RPL7A: variants seen among roughly 807,000 people sequenced by gnomAD.
The protein encoded by RPL7A is ribosomal protein L7a, also known as large ribosomal subunit protein eL8.
For synonymous variants in RPL7A, 158 were observed against 128.2 expected, an observed-to-expected ratio of 1.23 and a Z score of -1.57; for missense variants, 291 against 338.2, an observed-to-expected ratio of 0.86 and a Z score of 1.09.
At position 133,348,253 on chromosome 9, in the gene RPL7A, G is replaced by A. The variant is rs371626778; in HGVS notation, c.3+7G>A. The A allele has an allele frequency of 2.5e-6, 4 of 1,613,996 alleles. No homozygotes were observed. The highest frequency in any genetic ancestry group is 3.4e-6 in the Non-Finnish European group (4 of 1,180,002). ...CCTCCCGCCGCCCAAGATGGTGAGT[G>A]AGCTGTAGTTCCGTGGCACTATAGC... On this transcript the variant is annotated splice_region_variant and intron_variant, in intron 1 of 7. Transcript: ENST00000323345.
At chr9:133,351,164 A>G (rs1407417042) in intron 7 of RPL7A, 93 bp downstream of exon 7, 3 of 1,542,782 alleles carry the variant, frequency 1.9e-6, no homozygotes, top group African/African-American at 1.4e-5. Flanking sequence ...CTATCTGACG[A>G]TCAGCTTGGA....
In RPL7A at chr9:133,349,986, C is replaced by T. The variant is rs2129990347; in HGVS notation, c.349C>T (p.Arg117Trp). 6.2e-7 allele frequency: 1 copy of T among 1,612,466 alleles called. No homozygotes were observed. Among genetic ancestry groups the T allele is most frequent in the Non-Finnish European group, 8.5e-7 (1 of 1,180,020 alleles). The part of the protein sequence containing the change: ...KQEKKQRLLA[R>W]AEKKAAGKGD... The stretch of plus-strand genomic sequence containing the variant: ...AGAGAAGAAGCAGAGACTGTTGGCC[C>T]GGGCCGAGAAGAAGGCTGCTGGCAA... Residue 117 changes from arginine (R) to tryptophan (W), a missense_variant, in exon 4 of 8, where the codon CGG (arginine) becomes TGG (tryptophan). Coordinates refer to ENST00000323345, the MANE Select transcript of RPL7A (RefSeq NM_000972.3).
Position 133,349,537 on chromosome 9 carries a change from C to T in RPL7A, c.125-14C>T, listed in dbSNP as rs190442630. 9.0e-5 allele frequency: 146 copies of T among 1,614,062 alleles called. No homozygotes were observed. The highest frequency in any genetic ancestry group is 1.2e-4 in the Non-Finnish European group (138 of 1,179,970). On this transcript the variant is annotated splice_polypyrimidine_tract_variant and intron_variant, in intron 2 of 7. Transcript: ENST00000323345. ...GAATTTGAGCCTCACTCGGTGTCAC[C>T]CTTTACTTCTCAGGACAGGACATCC...
chr9:133,349,423 ATC>A, intron 2 of RPL7A, 126 bp from the exon 3 acceptor site: 1 of 1,122,692 alleles, frequency 8.9e-7, no homozygotes. Context: ...AATATTTGCT[ATC>A]TGAGAGATGG....
At position 133,350,652 on chromosome 9, in the gene RPL7A, T is replaced by C. The variant is rs1180994307; in HGVS notation, c.551T>C (p.Ile184Thr). Residue 184 changes from isoleucine (I) to threonine (T), a missense_variant, in exon 6 of 8, where the codon ATC becomes ACC. Ile to Thr is a moderately conservative substitution (Grantham distance 89). Coordinates refer to ENST00000323345, the MANE Select transcript of RPL7A (RefSeq NM_000972.3). ...AAAATGGGGGTCCCTTACTGCATTATCAAGGGAAAGGCAAGACTGGGACGT... is the reference window on the plus strand; with the variant it reads ...AAAATGGGGGTCCCTTACTGCATTACCAAGGGAAAGGCAAGACTGGGACGT... ...CRKMGVPYCIIKGKARLGRLV... is the reference protein window; with the variant it reads ...CRKMGVPYCITKGKARLGRLV... 6.2e-7 allele frequency: 1 copy of C among 1,613,980 alleles called. No individual in the cohort carries two copies. Among genetic ancestry groups the C allele is most frequent in the Non-Finnish European group, 8.5e-7 (1 of 1,180,008 alleles).
rs2129999280 is a variant in RPL7A, at chr9:133,351,313, A to G, written c.748A>G (p.Ile250Val). 3.1e-6 allele frequency: 5 copies of G among 1,613,978 alleles called. No homozygotes were observed. In the Admixed American group the frequency reaches 6.7e-5, roughly 22 times the overall value. The part of the protein sequence containing the change: ...NVLGPKSVAR[I>V]AKLEKAKAKE... ...CCTGGGTCCTAAGTCTGTGGCTCGTATCGCCAAGCTCGAAAAGGCAAAGGC... is the reference window on the plus strand; with the variant it reads ...CCTGGGTCCTAAGTCTGTGGCTCGTGTCGCCAAGCTCGAAAAGGCAAAGGC... Residue 250 changes from isoleucine to valine, a missense_variant, in exon 8 of 8, where the codon ATC (isoleucine) becomes GTC (valine). Coordinates refer to ENST00000323345, the MANE Select transcript of RPL7A (RefSeq NM_000972.3).
chr9:133,351,217 CAGAAA>C, intron 7 of RPL7A, 40 bp from the exon 8 acceptor site: 1 of 1,589,592 alleles, frequency 6.3e-7, no homozygotes, highest in Non-Finnish European at 8.6e-7. Context: ...TTGAAAATCT[CAGAAA>C]ACAGTAAGCC....
chr9:133,349,447 T>A, intron 2 of RPL7A, 104 bp from the exon 3 acceptor site: 1 of 1,399,550 alleles, frequency 7.1e-7, no homozygotes, highest in Non-Finnish European at 1.0e-6. Context: ...GATGACATTT[T>A]AAACCACCAA....
At chr9:133,349,773 G>GAA (rs1177439666) in intron 3 of RPL7A, 73 bp downstream of exon 3, 2 of 1,590,040 alleles carry the variant, frequency 1.3e-6, no homozygotes, top group African/African-American at 1.4e-5. Flanking sequence ...TGAGGGGGAT[G>GAA]GTCTTAGGCT....
rs2129983242 is a variant in RPL7A, at chr9:133,349,073, C to T, written c.124+31C>T. 1.5e-3 allele frequency: 2,369 copies of T among 1,609,048 alleles called. 36 individuals carry two copies. In the African/African-American group the frequency reaches 0.028, roughly 19 times the overall value. Reference sequence around the variant, plus strand: ...TAACAAACGGCAGAATGAAAACGGTCTATGTTTTTCTCAAGGGAAGGTGGT... The same window carrying T: ...TAACAAACGGCAGAATGAAAACGGTTTATGTTTTTCTCAAGGGAAGGTGGT... On this transcript the variant is annotated intron_variant, in intron 2 of 7. Transcript: ENST00000323345.
At chr9:133,349,521 C>T (rs370799672) in intron 2 of RPL7A, 30 bp from the exon 3 acceptor site, 3 of 1,613,950 alleles carry the variant, frequency 1.9e-6, no homozygotes, top group Non-Finnish European at 2.5e-6. Context: ...GGAATTTGAG[C>T]CTCACTCGGT....
At chr9:133,348,819 C>T in intron 1 of RPL7A, 103 bp from the exon 2 acceptor site, 1 of 1,571,290 alleles carries the variant, frequency 6.4e-7, no homozygotes, top group East Asian at 2.2e-5. Context: ...TTAGTTCAGG[C>T]AGGTGCTGTC....
In RPL7A at chr9:133,350,145, C is replaced by T. The variant is rs2129991630; in HGVS notation, c.415+93C>T. ...CTGAAATTACTGTGAAGAGTAAAAC[C>T]GAGCTTTTTAACACTGAGTCAGCAG... On this transcript the variant is annotated intron_variant, in intron 4 of 7. Transcript: ENST00000323345. 8.4e-5 allele frequency: 136 copies of T among 1,612,536 alleles called. 1 individual carries two copies. In the South Asian group the frequency reaches 8.6e-4, roughly 10 times the overall value.
chr9:133,349,292 G>T (rs1836312033), intron 2 of RPL7A: 2 of 763,492 alleles, frequency 2.6e-6, no homozygotes, highest in Admixed American at 1.8e-5. Context: ...CAGTAGCAGT[G>T]TCGCAGCGAG....
At chr9:133,349,840 TTTGTTA>T in intron 3 of RPL7A, 66 bp from the exon 4 acceptor site, 1 of 1,590,012 alleles carries the variant, frequency 6.3e-7, no homozygotes. Flanking sequence ...CAGTCCAGCA[TTTGTTA>T]TTAAGTGTTA....
At chr9:133,348,407 T>A (rs587616255) in intron 1 of RPL7A, 161 bp downstream of exon 1, 1 of 1,013,518 alleles carries the variant, frequency 9.9e-7, no homozygotes, top group Non-Finnish European at 1.5e-6. Flanking sequence ...GAGCCCCACT[T>A]GGTGTGGCAC....
Position 133,349,686 on chromosome 9 carries a change from T to C in RPL7A, c.260T>C (p.Leu87Pro). Residue 87 changes from leucine (L) to proline (P), a missense_variant, in exon 3 of 8, where the codon CTG becomes CCG. By Grantham distance (98) the Leu-to-Pro change is moderately conservative. Coordinates refer to ENST00000323345, the MANE Select transcript of RPL7A (RefSeq NM_000972.3). The part of the protein sequence containing the change: ...PPAINQFTQA[L>P]DRQTATQLLK... ...GCGATTAACCAGTTCACCCAGGCCC[T>C]GGACCGCCAAACAGGTGAGGTTCTG... is the stretch of plus-strand genomic sequence containing the variant. 1 of 1,613,990 alleles carries C rather than the reference T, an allele frequency of 6.2e-7. No individual in the cohort carries two copies. The highest frequency in any genetic ancestry group is 8.5e-7 in the Non-Finnish European group (1 of 1,179,942).
At chr9:133,349,511 G>A in intron 2 of RPL7A, 40 bp from the exon 3 acceptor site, 2 of 1,613,842 alleles carry the variant, frequency 1.2e-6, no homozygotes, top group Non-Finnish European at 1.7e-6. Context: ...AACTTGACAT[G>A]GAATTTGAGC....
In RPL7A at chr9:133,351,057, G is replaced by T; in HGVS notation, c.682G>T (p.Asp228Tyr). Residue 228 changes from aspartate (D) to tyrosine (Y), a missense_variant, in exon 7 of 8, where the codon GAC becomes TAC. Transcript: ENST00000323345. ...LVEAIRTNYNDRYDEIRRHWG... is the reference protein window; with the variant it reads ...LVEAIRTNYNYRYDEIRRHWG... Reference sequence around the variant, plus strand: ...GGAAGCTATCAGGACCAATTACAATGACAGATACGATGAGGTAAGAGGCAG... The same window carrying T: ...GGAAGCTATCAGGACCAATTACAATTACAGATACGATGAGGTAAGAGGCAG... 2 of 1,614,020 alleles carry T rather than the reference G, an allele frequency of 1.2e-6. No homozygotes were observed. Among genetic ancestry groups the T allele is most frequent in the South Asian group, 1.1e-5 (1 of 91,058 alleles).
Sources: gnomAD v4.1 joint callset for allele counts on GRCh38, gnomAD v4.1.1 for gene constraint, MANE v1.5 for transcripts, NCBI Gene and HGNC (gene_info 2026-07-23, HGNC 2026-07-21) for gene names.